The following NIM1K variants were observed in gnomAD, a reference collection of about 807,000 sequenced individuals.
The protein encoded by NIM1K is NIM1 serine/threonine protein kinase, also known as serine/threonine-protein kinase NIM1.
In NIM1K, 35 loss-of-function variants were observed where a neutral mutation model predicts 37.1. That is an observed-to-expected ratio of 0.94 (90% CI 0.72 to 1.25). NIM1K has a LOEUF of 1.25. Ranked by LOEUF, NIM1K falls within the 50% of genes most tolerant of loss-of-function variation. The pLI is 0.00. For synonymous variants in NIM1K, 234 were observed against 206.6 expected, an observed-to-expected ratio of 1.13 and a Z score of -1.14; for missense variants, 564 against 548.0, an observed-to-expected ratio of 1.03 and a Z score of -0.29.
intron 2 of NIM1K, among the ~76,000 whole-genome samples, chr5:43,272,891 C>G (rs1370567471): frequency 6.6e-6 from 1 of 152,098 alleles, no homozygotes; most frequent in Non-Finnish European, 1.5e-5. Context: ...ACTGGGGCAG[C>G]TACTCTTAAG....
rs55663207 is a variant in NIM1K at position 43,245,965 on chromosome 5, G to C, written c.190G>C (p.Glu64Gln). Residue 64 changes from glutamate (E) to glutamine (Q), a missense_variant, in exon 2 of 4, where the codon GAG becomes CAG. By Grantham distance (29) the Glu-to-Gln change is conservative (BLOSUM62 2). Transcript: ENST00000326035. ...DMSQDEKVVR[E>Q]ITLGKRIGFY... Reference sequence around the variant, plus strand: ...GTCCCAGGATGAGAAGGTGGTGAGGGAGATCACGCTGGGGAAACGGATAGG... The same window carrying C: ...GTCCCAGGATGAGAAGGTGGTGAGGCAGATCACGCTGGGGAAACGGATAGG... 182 of 1,614,188 alleles carry C rather than the reference G, an allele frequency of 1.1e-4. No homozygotes were observed. The East Asian group carries it at 2.7e-3, about 24-fold the overall frequency.
chr5:43,225,298 A>G (rs973150747), intron 1 of NIM1K, among the ~76,000 whole-genome samples: 5 of 146,440 alleles, frequency 3.4e-5, no homozygotes, highest in South Asian at 2.1e-4. Context: ...AAAGATAACT[A>G]CATAGCTCAA....
intron 2 of NIM1K, among the ~76,000 whole-genome samples, chr5:43,272,922 T>C (rs1753278944): frequency 6.6e-6 from 1 of 152,018 alleles, no homozygotes; most frequent in Non-Finnish European, 1.5e-5. Flanking sequence ...CCCCACTAAC[T>C]CCCTGTTCCA....
chr5:43,222,657 C>T (rs1045313684), intron 1 of NIM1K, among the ~76,000 whole-genome samples: 12 of 151,714 alleles, frequency 7.9e-5, no homozygotes, highest in African/African-American at 2.7e-4. Flanking sequence ...TCACTTTAGC[C>T]CAGGAGTTCG....
rs576834439 is a variant in NIM1K at position 43,231,859 on chromosome 5, C to T, written c.-694-13223C>T. 1.4e-5 allele frequency: 17 copies of T among 1,215,226 alleles called. No homozygotes were observed. The African/African-American group carries it at 2.0e-4, about 14-fold the overall frequency. 75.3% of individuals were successfully genotyped at this position (1,215,226 alleles called of 1,614,324 possible). A position where few individuals can be genotyped will look rare whatever the true frequency, so the allele number is the denominator to read the frequency against. ...TCACCTTCTCCTTCAACAGAATCCACACCAACCTCCTTATAATCCTTCTCA... is the reference window on the plus strand; with the variant it reads ...TCACCTTCTCCTTCAACAGAATCCATACCAACCTCCTTATAATCCTTCTCA... On this transcript the variant is annotated intron_variant, in intron 1 of 3. Transcript: ENST00000326035.
chr5:43,192,675 T>C (rs1367719112), intron 1 of NIM1K, among the ~76,000 whole-genome samples: 1 of 152,038 alleles, frequency 6.6e-6, no homozygotes, highest in African/African-American at 2.4e-5. Context: ...TGCTCGCGCG[T>C]GTGTGCCCGT....
intron 1 of NIM1K, among the ~76,000 whole-genome samples, chr5:43,209,189 G>A (rs1231654784): frequency 6.6e-6 from 1 of 152,172 alleles, no homozygotes; most frequent in Non-Finnish European, 1.5e-5. Context: ...CCATAATCAG[G>A]TTGTTTTTAT....
rs141306645 is a variant in NIM1K at position 43,228,875 on chromosome 5, G to A, written c.-694-16207G>A. Among the ~76,000 whole-genome samples, 299 of 152,016 alleles carry A rather than the reference G, an allele frequency of 2.0e-3. 2 individuals carry two copies. The highest frequency in any genetic ancestry group is 6.7e-3 in the African/African-American group (276 of 41,454). On this transcript the variant is annotated intron_variant, in intron 1 of 3. Transcript: ENST00000326035. Reference sequence around the variant, plus strand: ...ATTAACTTTCTTTTCCTTAAAGCTCGTATACATATAAAGCAAAACGAATTT... The same window carrying A: ...ATTAACTTTCTTTTCCTTAAAGCTCATATACATATAAAGCAAAACGAATTT...
In NIM1K at chr5:43,206,931, A is replaced by G. The variant is rs564652962; in HGVS notation, c.-695+14520A>G. On this transcript the variant is annotated intron_variant, in intron 1 of 3. Transcript: ENST00000326035. ...ATTGTGTTGCTGGATCTTCAGAGTT[A>G]CAATGGTGATGCACAAGGCAAAGAA... 5.6e-4 allele frequency: 429 copies of G among 768,430 alleles called. 3 individuals are homozygous for G. The highest frequency in any genetic ancestry group is 5.6e-3 in the South Asian group (414 of 74,480). 47.6% of individuals were successfully genotyped at this position (768,430 alleles called of 1,614,324 possible).
At chr5:43,239,955 A>G (rs562069559) in intron 1 of NIM1K, among the ~76,000 whole-genome samples, 2 of 152,254 alleles carry the variant, frequency 1.3e-5, no homozygotes, top group African/African-American at 4.8e-5. Context: ...TCCATTAGAT[A>G]TTAGAGAATC....
chr5:43,200,687 C>G lies in NIM1K; in HGVS notation c.-695+8276C>G, dbSNP rs150429755. On this transcript the variant is annotated intron_variant, in intron 1 of 3. Coordinates refer to ENST00000326035, the MANE Select transcript of NIM1K (RefSeq NM_153361.4). ...GCAGTGATTGCTTGTGTAGTACAGG[C>G]AGGAGGTACACTGAGTTTACAAGGG... is the stretch of plus-strand genomic sequence containing the variant. Among the ~76,000 whole-genome samples, 43 of 152,260 alleles carry G rather than the reference C, an allele frequency of 2.8e-4. No homozygotes were observed. The East Asian group carries it at 8.1e-3, about 29-fold the overall frequency.
At chr5:43,199,928 T>A (rs1751994076) in intron 1 of NIM1K, among the ~76,000 whole-genome samples, 2 of 152,196 alleles carry the variant, frequency 1.3e-5, no homozygotes, top group Non-Finnish European at 2.9e-5. Context: ...CAGGCTGGAG[T>A]GCAATGGTGT....
At chr5:43,228,685 G>A (rs1052770929) in intron 1 of NIM1K, among the ~76,000 whole-genome samples, 1 of 151,360 alleles carries the variant, frequency 6.6e-6, no homozygotes. Flanking sequence ...CTAAAAATCA[G>A]CTAGGTGTGG....
intron 1 of NIM1K, among the ~76,000 whole-genome samples, chr5:43,243,893 T>G (rs1752740042): frequency 6.6e-6 from 1 of 152,154 alleles, no homozygotes; most frequent in African/African-American, 2.4e-5. Flanking sequence ...TAAGGGGAAC[T>G]TTATCTTAAA....
At chr5:43,193,215 T>C (rs1036384640) in intron 1 of NIM1K, 2 of 152,084 alleles carry the variant, frequency 1.3e-5, no homozygotes, top group Non-Finnish European at 2.9e-5. Context: ...GATGGAGAAG[T>C]CAAGGCAATA....
chr5:43,219,973 C>T (rs113211416), intron 1 of NIM1K, among the ~76,000 whole-genome samples: 1 of 152,346 alleles, frequency 6.6e-6, no homozygotes, highest in Non-Finnish European at 1.5e-5. Context: ...GATCCGCCCA[C>T]CTCGGCCTCC....
At position 43,199,204 on chromosome 5, in the gene NIM1K, AATATATATATATAT is replaced by A. The variant is rs1162677436; in HGVS notation, c.-695+6814_-695+6827del. On this transcript the variant is annotated intron_variant, in intron 1 of 3. Transcript: ENST00000326035. The stretch of plus-strand genomic sequence containing the variant: ...GCTCTGTCTCCAAAAAAAAAAAAAA[AATATATATATATAT>A]ATATATATATATATATATATGAAAA... 3.5e-3 allele frequency among the ~76,000 whole-genome samples: 333 copies of A among 93,858 alleles called. 14 individuals carry two copies. The highest frequency in any genetic ancestry group is 8.3e-3 in the East Asian group (23 of 2,774). 61.6% of individuals were successfully genotyped at this position (93,858 alleles called of 152,430 possible).
chr5:43,243,639 C>T (rs1042596387), intron 1 of NIM1K, among the ~76,000 whole-genome samples: 7 of 152,118 alleles, frequency 4.6e-5, no homozygotes, highest in Non-Finnish European at 8.8e-5. Context: ...AGATTTTCTT[C>T]ACTCTAATTA....
At chr5:43,231,920 T>C (rs1752545320) in intron 1 of NIM1K, 1 of 983,764 alleles carries the variant, frequency 1.0e-6, no homozygotes, top group Non-Finnish European at 1.5e-6. Context: ...CAGAAAACTC[T>C]CCTTCCTCCC....
Sources: allele counts gnomAD v4.1 joint callset (sites outside exome capture counted in the v4.1 genomes callset), GRCh38; gene constraint gnomAD v4.1.1; transcripts MANE v1.5; gene names NCBI Gene and HGNC (gene_info 2026-07-23, HGNC 2026-07-21).